The following CTNND2 variants were observed in gnomAD, a reference collection of about 807,000 sequenced individuals.
CTNND2 encodes catenin delta 2, also known as catenin delta-2.
A neutral mutation model predicts 144.4 loss-of-function variants in CTNND2; 22 were observed. The observed-to-expected ratio is 0.15, with a 90% CI of 0.11 to 0.22. The LOEUF (loss-of-function observed/expected upper bound fraction) is 0.22. Among genes scored for constraint, CTNND2 ranks in the 10% least tolerant of loss-of-function variants. CTNND2 has a pLI of 1.00. For synonymous variants in CTNND2, 751 were observed against 695.6 expected (o/e 1.08, Z -1.25); for missense variants, 1,353 against 1,618.8 (o/e 0.84, Z 2.82).
chr5:11,207,297 G>A (rs1026980327), intron 10 of CTNND2, among the ~76,000 whole-genome samples: 3 of 151,412 alleles, frequency 2.0e-5, no homozygotes, highest in Non-Finnish European at 4.4e-5. Context: ...ATGACGGGTT[G>A]ATGGGTGCAG....
chr5:11,123,217 C>T (rs976854430), intron 12 of CTNND2, among the ~76,000 whole-genome samples: 4 of 152,162 alleles, frequency 2.6e-5, no homozygotes, highest in South Asian at 2.1e-4. Context: ...TCCCACAAGG[C>T]GTTAGGAGGT....
chr5:11,868,451 AGG>A (rs1795878624), intron 1 of CTNND2, among the ~76,000 whole-genome samples: 1 of 152,204 alleles, frequency 6.6e-6, no homozygotes, highest in South Asian at 2.1e-4. Flanking sequence ...TTCAGAATCA[AGG>A]GGATCATGGA....
chr5:11,286,782 T>C (rs1002720541), intron 9 of CTNND2, among the ~76,000 whole-genome samples: 1 of 151,962 alleles, frequency 6.6e-6, no homozygotes, highest in African/African-American at 2.4e-5. Flanking sequence ...AAATGGAGAG[T>C]AATTCTTAAA....
At chr5:11,837,217 G>T (rs1794232216) in intron 1 of CTNND2, among the ~76,000 whole-genome samples, 1 of 151,964 alleles carries the variant, frequency 6.6e-6, no homozygotes, top group Admixed American at 6.6e-5. Flanking sequence ...CTACCTCAAA[G>T]GACATGAAAA....
At chr5:11,395,392 T>C (rs971934368) in intron 6 of CTNND2, among the ~76,000 whole-genome samples, 13 of 152,202 alleles carry the variant, frequency 8.5e-5, no homozygotes, top group African/African-American at 3.1e-4. Flanking sequence ...ATTAGAACAT[T>C]TCAACTCCTG....
rs548283643 is a variant in CTNND2 at position 11,673,494 on chromosome 5, A to G, written c.174+58642T>C. On this transcript the variant is annotated intron_variant, in intron 2 of 21. Coordinates refer to ENST00000304623, the MANE Select transcript of CTNND2 (RefSeq NM_001332.4). ...GACTTATCTGAAATTGCAGTAAATG[A>G]TTATGCATAAGTTTTGGGTTTTATG... Among the ~76,000 whole-genome samples, 7 of 152,318 alleles carry G rather than the reference A, an allele frequency of 4.6e-5. No homozygotes were observed. In the South Asian group the frequency reaches 1.4e-3, roughly 32 times the overall value.
At chr5:11,871,573 T>C (rs1235456298) in intron 1 of CTNND2, among the ~76,000 whole-genome samples, 1 of 152,194 alleles carries the variant, frequency 6.6e-6, no homozygotes, top group East Asian at 1.9e-4. Flanking sequence ...ATTTGTATTT[T>C]AAAGAAGAAA....
rs140792296 is a variant in CTNND2 at position 11,020,584 on chromosome 5, G to A, written c.2999+2185C>T. Reference sequence around the variant, plus strand: ...TTATAATAGAATTGAGTCAGAAATGGTGAGTTTCATGCTCAAATTTGGAGC... The same window carrying A: ...TTATAATAGAATTGAGTCAGAAATGATGAGTTTCATGCTCAAATTTGGAGC... On this transcript the variant is annotated intron_variant, in intron 17 of 21. Coordinates refer to ENST00000304623, the MANE Select transcript of CTNND2 (RefSeq NM_001332.4). Among the ~76,000 whole-genome samples the A allele has an allele frequency of 2.6e-5, 4 of 152,220 alleles. No individual in the cohort carries two copies. The East Asian group carries it at 7.7e-4, about 29-fold the overall frequency.
rs1015869490 is a variant in CTNND2 at position 11,903,698 on chromosome 5, A to AGCC, written c.37+116_37+118dup. ...CCGAGGCAGGCAGAAACCCCGCAGC[A>AGCC]GCCGCCGCCGCCGCCTGCCGGCCGG... is the stretch of plus-strand genomic sequence containing the variant. On this transcript the variant is annotated intron_variant, in intron 1 of 21. Coordinates refer to ENST00000304623, the MANE Select transcript of CTNND2 (RefSeq NM_001332.4). This position sits in a 1 kb window ranked among gnomAD's most constrained non-coding sequence, Gnocchi z 5.4. 111 of 1,082,112 alleles carry AGCC rather than the reference A, an allele frequency of 1.0e-4. No homozygotes were observed. The highest frequency in any genetic ancestry group is 1.2e-4 in the Non-Finnish European group (99 of 813,628). The allele number at this position is 1,082,112 out of a possible 1,614,324, so 67.0% of individuals were successfully genotyped here. A position where few individuals can be genotyped will look rare whatever the true frequency, so the allele number is the denominator to read the frequency against.
intron 5 of CTNND2, among the ~76,000 whole-genome samples, chr5:11,404,256 A>G (rs1317579534): frequency 6.6e-6 from 1 of 152,198 alleles, no homozygotes; most frequent in African/African-American, 2.4e-5. Context: ...ATCAGGGGCC[A>G]CGAAGACCCC....
chr5:11,404,602 C>CTTTTTTTTTTTTTTTTT lies in CTNND2; in HGVS notation c.439+6917_439+6933dup, dbSNP rs555388304. Among the ~76,000 whole-genome samples the CTTTTTTTTTTTTTTTTT allele has an allele frequency of 3.3e-4, 19 of 57,384 alleles. 6 individuals carry two copies. Among genetic ancestry groups the CTTTTTTTTTTTTTTTTT allele is most frequent in the Non-Finnish European group, 5.6e-4 (14 of 25,180 alleles). 37.6% of individuals were successfully genotyped at this position (57,384 alleles called of 152,430 possible). A position where few individuals can be genotyped will look rare whatever the true frequency, so the allele number is the denominator to read the frequency against. On this transcript the variant is annotated intron_variant, in intron 5 of 21. Transcript: ENST00000304623. ...ATCAGTATCTGTCAGTATCTGTATT[C>CTTTTTTTTTTTTTTTTT]TTTTTTTTTTTTTTTTTTTTTTTTT...
At chr5:11,690,675 G>A (rs1241640970) in intron 2 of CTNND2, among the ~76,000 whole-genome samples, 1 of 143,366 alleles carries the variant, frequency 7.0e-6, no homozygotes, top group Non-Finnish European at 1.5e-5. Flanking sequence ...AGTGGAGCTT[G>A]CAGTGAGCCG....
At chr5:11,750,682 T>G (rs1010990626) in intron 1 of CTNND2, among the ~76,000 whole-genome samples, 3 of 151,882 alleles carry the variant, frequency 2.0e-5, no homozygotes, top group African/African-American at 7.2e-5. Context: ...AACATTGGTA[T>G]AGCTCTATAT....
chr5:11,189,786 C>T (rs1028484424), intron 11 of CTNND2, among the ~76,000 whole-genome samples: 3 of 152,066 alleles, frequency 2.0e-5, no homozygotes, highest in African/African-American at 4.8e-5. Context: ...CACTCAGCAG[C>T]AATTTGTTTA....
At chr5:11,426,144 C>T (rs1369471820) in intron 3 of CTNND2, among the ~76,000 whole-genome samples, 1 of 152,184 alleles carries the variant, frequency 6.6e-6, no homozygotes, top group Non-Finnish European at 1.5e-5. Context: ...CCTAATCTCT[C>T]TCCTCCACTA....
chr5:11,116,885 C>T (rs928126418), intron 13 of CTNND2, among the ~76,000 whole-genome samples: 4 of 151,900 alleles, frequency 2.6e-5, no homozygotes, highest in African/African-American at 7.3e-5. Flanking sequence ...TGGTAAAACC[C>T]GATCTCTACT....
In CTNND2 at chr5:11,158,737, C is replaced by T. The variant is rs979742544; in HGVS notation, c.2159+839G>A. 2.0e-5 allele frequency among the ~76,000 whole-genome samples: 3 copies of T among 152,148 alleles called. No individual in the cohort carries two copies. In the East Asian group the frequency reaches 5.8e-4, roughly 29 times the overall value. The stretch of plus-strand genomic sequence containing the variant: ...CTGTAGGAGAAATGGCAGCTTTGAA[C>T]CATTTCAACTAAAACAATCCTGTAT... On this transcript the variant is annotated intron_variant, in intron 12 of 21. Coordinates refer to ENST00000304623, the MANE Select transcript of CTNND2 (RefSeq NM_001332.4).
intron 7 of CTNND2, among the ~76,000 whole-genome samples, chr5:11,376,681 A>G (rs1009232531): frequency 1.3e-5 from 2 of 152,216 alleles, no homozygotes; most frequent in African/African-American, 2.4e-5. Context: ...ACCAGCATCT[A>G]TAACAGAAGT....
chr5:11,364,259 C>T (rs1000312260), intron 8 of CTNND2, among the ~76,000 whole-genome samples: 5 of 152,126 alleles, frequency 3.3e-5, no homozygotes, highest in Admixed American at 3.3e-4. Flanking sequence ...TCAAAATATG[C>T]TACATGTTTA....
Sources: gnomAD v4.1 joint callset for allele counts (sites outside exome capture counted in the v4.1 genomes callset) on GRCh38, gnomAD v4.1.1 for gene constraint, Gnocchi (gnomAD v3.1) non-coding constraint, MANE v1.5 for transcripts, NCBI Gene and HGNC (gene_info 2026-07-23, HGNC 2026-07-21) for gene names.